IGFL4: variants seen among roughly 807,000 people sequenced by gnomAD.
IGFL4 encodes the protein IGF like family member 4, also known as insulin growth factor-like family member 4.
In IGFL4, 12 loss-of-function variants were observed where a neutral mutation model predicts 15.4. That is an observed-to-expected ratio of 0.78 (90% CI 0.50 to 1.26). IGFL4 has a LOEUF of 1.26. Ranked by LOEUF, IGFL4 falls within the 50% of genes most tolerant of loss-of-function variation. The pLI is 0.00. For missense variants in IGFL4, 126 were observed against 147.8 expected, an observed-to-expected ratio of 0.85 and a Z score of 0.76; for synonymous variants, 54 against 55.9, an observed-to-expected ratio of 0.97 and a Z score of 0.16.
At chr19:46,076,002 A>G (rs1969591807) in intron 1 of IGFL4, among the ~76,000 whole-genome samples, 1 of 152,182 alleles carries the variant, frequency 6.6e-6, no homozygotes, top group Admixed American at 6.5e-5. Context: ...TATCTCTCAC[A>G]GTTTCCGGAA....
At chr19:46,074,894 A>C (rs1428969162) in intron 1 of IGFL4, among the ~76,000 whole-genome samples, 2 of 152,220 alleles carry the variant, frequency 1.3e-5, no homozygotes, top group African/African-American at 4.8e-5. Flanking sequence ...CAAGTATTCC[A>C]AGAAGCTGAT....
intron 1 of IGFL4, among the ~76,000 whole-genome samples, chr19:46,062,118 GA>G (rs1402258287): frequency 1.3e-5 from 2 of 152,144 alleles, no homozygotes; most frequent in Non-Finnish European, 2.9e-5. Context: ...GCTAGAGCTT[GA>G]AAAAGCTGAC....
At chr19:46,051,214 T>G (rs1568712352) in intron 2 of IGFL4, among the ~76,000 whole-genome samples, 1 of 151,994 alleles carries the variant, frequency 6.6e-6, no homozygotes, top group South Asian at 2.1e-4. Context: ...CAAAATAGAA[T>G]CTCCTTAAAG....
upstream of IGFL4, among the ~76,000 whole-genome samples, chr19:46,041,717 T>C (rs1205244933): frequency 6.6e-6 from 1 of 151,938 alleles, no homozygotes; most frequent in African/African-American, 2.4e-5. Flanking sequence ...GTTTCTTCCC[T>C]GTGTCACAGT....
intron 2 of IGFL4, among the ~76,000 whole-genome samples, chr19:46,046,776 A>G (rs1472357681): frequency 1.3e-5 from 2 of 152,248 alleles, no homozygotes; most frequent in Non-Finnish European, 2.9e-5. Context: ...TTACAGATCT[A>G]CAAGAGACTT....
At chr19:46,051,984 A>G (rs1314366556) in intron 2 of IGFL4, among the ~76,000 whole-genome samples, 2 of 152,218 alleles carry the variant, frequency 1.3e-5, no homozygotes, top group African/African-American at 4.8e-5. Flanking sequence ...AAATTTATAA[A>G]ACAATTAGTA....
chr19:46,052,924 C>T (rs1305375096), intron 2 of IGFL4, among the ~76,000 whole-genome samples: 1 of 109,756 alleles, frequency 9.1e-6, no homozygotes, highest in Non-Finnish European at 1.7e-5. Context: ...TCCCAGGGCT[C>T]GAAGTAGTGG....
intron 1 of IGFL4, among the ~76,000 whole-genome samples, chr19:46,062,106 A>T (rs1343696333): frequency 6.6e-6 from 1 of 152,194 alleles, no homozygotes; most frequent in African/African-American, 2.4e-5. Context: ...GAGTTCCATG[A>T]TGCTAGAGCT....
intron 1 of IGFL4, among the ~76,000 whole-genome samples, chr19:46,073,600 C>A (rs1969567041): frequency 6.6e-6 from 1 of 152,130 alleles, no homozygotes; most frequent in African/African-American, 2.4e-5. Flanking sequence ...AGAAAAATGG[C>A]CAGAGACTGA....
upstream of IGFL4, among the ~76,000 whole-genome samples, chr19:46,043,874 C>G (rs146201594): frequency 1.3e-5 from 2 of 151,948 alleles, no homozygotes; most frequent in East Asian, 3.9e-4. Flanking sequence ...GGAAAAGATA[C>G]AAAAAACATT....
At chr19:46,052,720 C>CAAA (rs5828263) in intron 2 of IGFL4, among the ~76,000 whole-genome samples, 2 of 145,432 alleles carry the variant, frequency 1.4e-5, no homozygotes, top group Non-Finnish European at 1.5e-5. Context: ...GAAACTCCGT[C>CAAA]AAAAAAAAAA....
At chr19:46,067,623 C>T (rs1969507328) in intron 1 of IGFL4, among the ~76,000 whole-genome samples, 4 of 152,208 alleles carry the variant, frequency 2.6e-5, no homozygotes, top group Admixed American at 2.6e-4. Context: ...TCTGCATCCT[C>T]ATCCACGTGT....
At chr19:46,075,065 A>G (rs2146532260) in intron 1 of IGFL4, among the ~76,000 whole-genome samples, 1 of 120,750 alleles carries the variant, frequency 8.3e-6, no homozygotes, top group East Asian at 2.4e-4. Flanking sequence ...TACCACTTAG[A>G]GTTTTCAATA....
intron 1 of IGFL4, among the ~76,000 whole-genome samples, chr19:46,068,777 T>C (rs1969518679): frequency 6.6e-6 from 1 of 152,296 alleles, no homozygotes. Context: ...TGTGGTTTCA[T>C]AGAGGAAGAG....
chr19:46,046,469 G>A (rs1456005486), intron 2 of IGFL4, among the ~76,000 whole-genome samples: 1 of 152,172 alleles, frequency 6.6e-6, no homozygotes, highest in Non-Finnish European at 1.5e-5. Flanking sequence ...ATGGCAAGTT[G>A]GATAAAGAGC....
At chr19:46,054,366 C>CT (rs546198179) in intron 2 of IGFL4, among the ~76,000 whole-genome samples, 98 of 152,282 alleles carry the variant, frequency 6.4e-4, no homozygotes, top group African/African-American at 2.2e-3. Flanking sequence ...AGAGACTGTC[C>CT]TTTCCCCAAT....
chr19:46,041,102 C>G, upstream of IGFL4: 1 of 693,206 alleles, frequency 1.4e-6, no homozygotes, highest in Non-Finnish European at 2.4e-6. Flanking sequence ...AAGAGTTAGG[C>G]AAAAAGAGCT....
chr19:46,067,988 T>C (rs1050545038), intron 1 of IGFL4, among the ~76,000 whole-genome samples: 1 of 152,194 alleles, frequency 6.6e-6, no homozygotes, highest in African/African-American at 2.4e-5. Context: ...TCAAAAGGTT[T>C]CAGGTGTGAA....
chr19:46,062,432 C>T (rs546775701), intron 1 of IGFL4, among the ~76,000 whole-genome samples: 1 of 152,318 alleles, frequency 6.6e-6, no homozygotes, highest in South Asian at 2.1e-4. Flanking sequence ...CTGCTTTTCC[C>T]AGAAGGAGCC....
Sources: allele counts gnomAD v4.1 joint callset (sites outside exome capture counted in the v4.1 genomes callset), GRCh38; gene constraint gnomAD v4.1.1; transcripts MANE v1.5; gene names NCBI Gene and HGNC (gene_info 2026-07-23, HGNC 2026-07-21).